Variants in ESD observed in about 807,000 individuals in gnomAD.
ESD encodes S-formylglutathione hydrolase.
Under a neutral mutation model 38.1 loss-of-function variants are expected in ESD, and 34 were observed. The ratio of observed to expected loss-of-function variants is 0.89; its 90% CI spans 0.68 to 1.19. ESD has a LOEUF of 1.19. Ranked by LOEUF, ESD falls within the 50% of genes most tolerant of loss-of-function variation. The pLI, the probability that ESD is intolerant of heterozygous loss-of-function variation, is 0.00. For missense variants in ESD, 334 were observed against 327.2 expected (o/e 1.02, Z -0.16); for synonymous variants, 97 against 107.0 (o/e 0.91, Z 0.58).
At chr13:46,772,788 G>A (rs1422602296) in intron 9 of ESD, among the ~76,000 whole-genome samples, 10 of 152,068 alleles carry the variant, frequency 6.6e-5, no homozygotes, top group Admixed American at 1.3e-4. Context: ...GGGTTCAAGC[G>A]ATTCTCCTGC....
intron 1 of ESD, among the ~76,000 whole-genome samples, chr13:46,796,643 G>A (rs1875589100): frequency 6.6e-6 from 1 of 152,184 alleles, no homozygotes; most frequent in Admixed American, 6.5e-5. Context: ...CCATTGGCTC[G>A]TGCCCCGACG....
At chr13:46,785,875 A>T in intron 4 of ESD, among the ~76,000 whole-genome samples, 1 of 151,992 alleles carries the variant, frequency 6.6e-6, no homozygotes, top group Non-Finnish European at 1.5e-5. Context: ...TTGTTTAGCC[A>T]AGAGATATGA....
At chr13:46,776,479 C>T (rs1195557400) in intron 9 of ESD, 1 of 152,046 alleles carries the variant, frequency 6.6e-6, no homozygotes, top group East Asian at 1.9e-4. Flanking sequence ...GTTAAATGGC[C>T]TTAGTTCCAG....
chr13:46,797,279 C>G (rs1216531740), upstream of ESD: 1 of 152,768 alleles, frequency 6.5e-6, no homozygotes, highest in Non-Finnish European at 1.5e-5. Flanking sequence ...CATGGCCCCG[C>G]CGCCTTTGCA....
chr13:46,780,044 A>G lies in ESD; in HGVS notation c.502-11T>C. ...AAATGCTGACACAGACTTCAGAAAC[A>G]AAAGAAATTTAAAAACAAGTTATAT... On this transcript the variant is annotated splice_polypyrimidine_tract_variant and intron_variant, in intron 7 of 9. Coordinates refer to ENST00000378720, the MANE Select transcript of ESD (RefSeq NM_001984.2). 6.4e-7 allele frequency: 1 copy of G among 1,557,832 alleles called. No homozygotes were observed. The highest frequency in any genetic ancestry group is 1.7e-4 in the Middle Eastern group (1 of 5,846).
intron 9 of ESD, among the ~76,000 whole-genome samples, chr13:46,774,400 G>A (rs899709606): frequency 4.0e-4 from 61 of 152,310 alleles, no homozygotes; most frequent in African/African-American, 1.4e-3. Context: ...TATCATCCCT[G>A]ACGAGGGTTT....
At position 46,771,358 on chromosome 13, in the gene ESD, T is replaced by A; in HGVS notation, c.*58A>T. On this transcript the variant is annotated 3_prime_UTR_variant, in exon 10 of 10. Coordinates refer to ENST00000378720, the MANE Select transcript of ESD (RefSeq NM_001984.2). Reference sequence around the variant, plus strand: ...AATTTTTTTTTTTTTTGCTCAGCAATACAGTTGCATTTTACAACTTTTATA... The same window carrying A: ...AATTTTTTTTTTTTTTGCTCAGCAAAACAGTTGCATTTTACAACTTTTATA... 27 of 1,031,162 alleles carry A rather than the reference T, an allele frequency of 2.6e-5. No homozygotes were observed. Among genetic ancestry groups the A allele is most frequent in the Middle Eastern group, 2.8e-4 (1 of 3,590 alleles). The allele number at this position is 1,031,162 out of a possible 1,614,324, so 63.9% of individuals were successfully genotyped here.
intron 4 of ESD, 64 bp from the exon 5 acceptor site, chr13:46,784,414 G>A: frequency 8.9e-7 from 1 of 1,122,002 alleles, no homozygotes; most frequent in Non-Finnish European, 1.3e-6. Context: ...ATTAATACTG[G>A]GGACTATTAG....
At chr13:46,783,600 T>C (rs1259384433) in intron 5 of ESD, among the ~76,000 whole-genome samples, 1 of 151,958 alleles carries the variant, frequency 6.6e-6, no homozygotes, top group Non-Finnish European at 1.5e-5. Context: ...ATTAAATCTG[T>C]TGTTATATTT....
At chr13:46,796,368 T>G (rs1875576513) in intron 1 of ESD, among the ~76,000 whole-genome samples, 1 of 152,244 alleles carries the variant, frequency 6.6e-6, no homozygotes, top group Non-Finnish European at 1.5e-5. Flanking sequence ...TTGATAGGGT[T>G]GCTCTGGGAA....
intron 9 of ESD, among the ~76,000 whole-genome samples, chr13:46,772,594 A>C (rs904135745): frequency 2.9e-4 from 44 of 152,040 alleles, no homozygotes; most frequent in African/African-American, 1.1e-3. Flanking sequence ...CCCAACTCCC[A>C]TCGCCCTTTG....
At chr13:46,784,186 T>C in intron 5 of ESD, 66 bp downstream of exon 5, 1 of 1,240,428 alleles carries the variant, frequency 8.1e-7, no homozygotes, top group Non-Finnish European at 1.2e-6. Flanking sequence ...GTATATATCA[T>C]ACCACTTTAT....
intron 1 of ESD, among the ~76,000 whole-genome samples, chr13:46,796,480 G>A (rs1318521100): frequency 6.6e-6 from 1 of 152,146 alleles, no homozygotes; most frequent in Non-Finnish European, 1.5e-5. Flanking sequence ...CTCCTTCCAG[G>A]TGCGCTCAAT....
At chr13:46,784,431 G>A in intron 4 of ESD, 81 bp from the exon 5 acceptor site, 1 of 971,896 alleles carries the variant, frequency 1.0e-6, no homozygotes, top group South Asian at 1.4e-5. Flanking sequence ...TTAGAGCAGG[G>A]GGAGACGGAG....
intron 5 of ESD, among the ~76,000 whole-genome samples, chr13:46,783,785 A>G (rs1472400642): frequency 6.6e-6 from 1 of 151,978 alleles, no homozygotes; most frequent in Non-Finnish European, 1.5e-5. Flanking sequence ...CACGTAGTTG[A>G]TATTTTCATT....
At position 46,782,654 on chromosome 13, in the gene ESD, C is replaced by T. The variant is rs754130803; in HGVS notation, c.381+13G>A. The T allele has an allele frequency of 3.7e-6, 6 of 1,609,918 alleles. No homozygotes were observed. In the Admixed American group the frequency reaches 1.0e-4, roughly 27 times the overall value. On this transcript the variant is annotated intron_variant, in intron 6 of 9. Coordinates refer to ENST00000378720, the MANE Select transcript of ESD (RefSeq NM_001984.2). ...CAGTCATCAATTAATAATTACAATACAAATTAAATTACCTCCTCTGTGACA... is the reference window on the plus strand; with the variant it reads ...CAGTCATCAATTAATAATTACAATATAAATTAAATTACCTCCTCTGTGACA...
At chr13:46,797,592 C>G (rs993768944), upstream of ESD, among the ~76,000 whole-genome samples, 1 of 152,244 alleles carries the variant, frequency 6.6e-6, no homozygotes, top group African/African-American at 2.4e-5. Flanking sequence ...AGACTATCCA[C>G]GTCACCTACT....
At chr13:46,776,362 T>A (rs995758096) in intron 9 of ESD, 6 of 152,170 alleles carry the variant, frequency 3.9e-5, no homozygotes, top group Non-Finnish European at 8.8e-5. Context: ...CAGCAAGCTA[T>A]GCACAATTTC....
intron 9 of ESD, 49 bp from the exon 10 acceptor site, chr13:46,771,545 C>T (rs1733261133): frequency 1.7e-6 from 2 of 1,172,342 alleles, no homozygotes; most frequent in East Asian, 4.7e-5. Flanking sequence ...TCAGGAACAT[C>T]AGTATTAGGA....
Sources: gnomAD v4.1 joint callset for allele counts (sites outside exome capture counted in the v4.1 genomes callset) on GRCh38, gnomAD v4.1.1 for gene constraint, MANE v1.5 for transcripts, NCBI Gene and HGNC (gene_info 2026-07-23, HGNC 2026-07-21) for gene names.